Variants in CACNA2D3 observed in about 807,000 individuals in gnomAD.
The protein encoded by CACNA2D3 is voltage-dependent calcium channel subunit alpha-2/delta-3.
Under a neutral mutation model 160.6 loss-of-function variants are expected in CACNA2D3, and 60 were observed. That is an observed-to-expected ratio of 0.37 (90% CI 0.30 to 0.46). CACNA2D3 has a LOEUF of 0.46. Among genes scored for constraint, CACNA2D3 ranks in the 20% least tolerant of loss-of-function variants. The probability of loss-of-function intolerance (pLI) is 1.00; values close to 1 mark genes in which losing one functional copy is unlikely to be tolerated. For missense variants in CACNA2D3, 1,205 were observed against 1,365.0 expected (o/e 0.88, Z 1.85); for synonymous variants, 558 against 492.9 (o/e 1.13, Z -1.75).
intron 14 of CACNA2D3, among the ~76,000 whole-genome samples, chr3:54,825,891 G>C (rs1286818342): frequency 6.6e-6 from 1 of 151,832 alleles, no homozygotes; most frequent in Non-Finnish European, 1.5e-5. Flanking sequence ...TCATAGGAAG[G>C]GATTTCCTGT....
rs111730342 is a variant in CACNA2D3, at chr3:54,680,159, T to TAA, written c.1167+37929_1167+37930dup. Among the ~76,000 whole-genome samples, 142 of 144,354 alleles carry TAA rather than the reference T, an allele frequency of 9.8e-4. 1 individual carries two copies. The highest frequency in any genetic ancestry group is 3.2e-3 in the African/African-American group (127 of 39,564). The allele number at this position is 144,354 out of a possible 152,430, so 94.7% of individuals were successfully genotyped here. A position where few individuals can be genotyped will look rare whatever the true frequency, so the allele number is the denominator to read the frequency against. On this transcript the variant is annotated intron_variant, in intron 11 of 37. Coordinates refer to ENST00000474759, the MANE Select transcript of CACNA2D3 (RefSeq NM_018398.3). ...ATAGCCTCCAGATTCATTGAGAAGCTAAAAAAAAAAAATGGTTTGCTAGGG... is the reference window on the plus strand; with the variant it reads ...ATAGCCTCCAGATTCATTGAGAAGCTAAAAAAAAAAAAAATGGTTTGCTAGGG...
chr3:54,373,293 A>C (rs913437770), intron 3 of CACNA2D3, among the ~76,000 whole-genome samples: 3 of 152,198 alleles, frequency 2.0e-5, no homozygotes, highest in African/African-American at 7.2e-5. Context: ...ATATAAGTGC[A>C]TGTGGTTGAC....
At chr3:54,733,746 G>C (rs1271166536) in intron 11 of CACNA2D3, among the ~76,000 whole-genome samples, 1 of 152,160 alleles carries the variant, frequency 6.6e-6, no homozygotes, top group African/African-American at 2.4e-5. Context: ...TTTAATCAAA[G>C]ATAAACTTAA....
chr3:55,043,664 C>G (rs1404188834), intron 35 of CACNA2D3, among the ~76,000 whole-genome samples: 1 of 152,074 alleles, frequency 6.6e-6, no homozygotes, highest in Non-Finnish European at 1.5e-5. Flanking sequence ...CATTGATTGA[C>G]TTTTTAATGG....
At chr3:55,056,697 C>T (rs1704369340) in intron 35 of CACNA2D3, among the ~76,000 whole-genome samples, 1 of 152,066 alleles carries the variant, frequency 6.6e-6, no homozygotes, top group African/African-American at 2.4e-5. Context: ...ATGAAATAAG[C>T]CAGACACAGA....
intron 2 of CACNA2D3, among the ~76,000 whole-genome samples, chr3:54,161,453 G>T (rs1263470448): frequency 3.9e-5 from 6 of 152,236 alleles, no homozygotes; most frequent in African/African-American, 1.4e-4. Context: ...GCACCTACCA[G>T]GGAGGATCCC....
At chr3:54,613,875 C>T (rs1289056097) in intron 9 of CACNA2D3, among the ~76,000 whole-genome samples, 1 of 152,176 alleles carries the variant, frequency 6.6e-6, no homozygotes, top group African/African-American at 2.4e-5. Flanking sequence ...AGCAGCCCTG[C>T]CTTTACCTCC....
At chr3:54,436,070 A>T (rs181754820) in intron 4 of CACNA2D3, among the ~76,000 whole-genome samples, 1 of 152,330 alleles carries the variant, frequency 6.6e-6, no homozygotes, top group East Asian at 1.9e-4. Flanking sequence ...AGAGACCTAA[A>T]GGATCTTTGG....
intron 3 of CACNA2D3, among the ~76,000 whole-genome samples, chr3:54,360,638 C>T (rs187244251): frequency 6.0e-4 from 92 of 152,324 alleles, no homozygotes; most frequent in Middle Eastern, 6.8e-3. Flanking sequence ...TAGTTCTTGG[C>T]TCCTCTGTGC....
chr3:54,972,247 G>T (rs986790405), intron 29 of CACNA2D3, among the ~76,000 whole-genome samples: 1 of 152,146 alleles, frequency 6.6e-6, no homozygotes, highest in African/African-American at 2.4e-5. Context: ...CCTTGAAGTT[G>T]CCCTGATTTC....
intron 3 of CACNA2D3, among the ~76,000 whole-genome samples, chr3:54,342,303 C>T (rs1287977678): frequency 5.9e-5 from 9 of 152,102 alleles, no homozygotes; most frequent in Non-Finnish European, 1.0e-4. Context: ...ATGAGTAAGG[C>T]AGCTTCAGGA....
At position 54,808,488 on chromosome 3, in the gene CACNA2D3, G is replaced by A. The variant is rs557472122; in HGVS notation, c.1381-8365G>A. On this transcript the variant is annotated intron_variant, in intron 13 of 37. Transcript: ENST00000474759. ...AGCAGGGGAAAAGTGGGAGAGGGGT[G>A]TAAATGAAAAGTCTCGATTAGACTA... 1.4e-4 allele frequency among the ~76,000 whole-genome samples: 22 copies of A among 152,218 alleles called. 1 individual carries two copies. Among genetic ancestry groups the A allele is most frequent in the South Asian group, 1.0e-3 (5 of 4,814 alleles).
chr3:54,842,994 T>C (rs1000963278), intron 16 of CACNA2D3, among the ~76,000 whole-genome samples: 5 of 150,964 alleles, frequency 3.3e-5, no homozygotes, highest in African/African-American at 1.2e-4. Flanking sequence ...TTTTTTTTTT[T>C]TTTCTTTGAG....
chr3:54,970,273 C>G lies in CACNA2D3; in HGVS notation c.2556+429C>G, dbSNP rs145077167. On this transcript the variant is annotated intron_variant, in intron 29 of 37. Coordinates refer to ENST00000474759, the MANE Select transcript of CACNA2D3 (RefSeq NM_018398.3). ...TGAGCATCAGAGAAATTAAGTGATT[C>G]AGCTAATTTCATGTAATAAGCAAAC... Among the ~76,000 whole-genome samples the G allele has an allele frequency of 6.9e-3, 1,056 of 152,244 alleles. 12 individuals carry two copies. Among genetic ancestry groups the G allele is most frequent in the Non-Finnish European group, 9.0e-3 (614 of 68,012 alleles).
intron 13 of CACNA2D3, chr3:54,789,987 TA>T (rs1487273201): frequency 1.0e-5 from 4 of 397,094 alleles, no homozygotes; most frequent in Admixed American, 5.9e-5. Flanking sequence ...AAGAGTCAAA[TA>T]AACATCTTGT....
rs1170753293 is a variant in CACNA2D3 at position 54,763,870 on chromosome 3, C to T, written c.1247-348C>T. On this transcript the variant is annotated intron_variant, in intron 12 of 37. Coordinates refer to ENST00000474759, the MANE Select transcript of CACNA2D3 (RefSeq NM_018398.3). Reference sequence around the variant, plus strand: ...GTACATATATATACATATATATATACGTATATATATGTATATATATGTATG... The same window carrying T: ...GTACATATATATACATATATATATATGTATATATATGTATATATATGTATG... Among the ~76,000 whole-genome samples, 152 of 59,498 alleles carry T rather than the reference C, an allele frequency of 2.6e-3. 28 individuals are homozygous for T. Among genetic ancestry groups the T allele is most frequent in the African/African-American group, 9.2e-3 (148 of 16,040 alleles). 39.0% of individuals were successfully genotyped at this position (59,498 alleles called of 152,430 possible).
At chr3:54,411,281 C>G (rs1415831733) in intron 4 of CACNA2D3, among the ~76,000 whole-genome samples, 1 of 152,166 alleles carries the variant, frequency 6.6e-6, no homozygotes, top group East Asian at 1.9e-4. Flanking sequence ...AGGATTGACT[C>G]CAGTTTTCGA....
chr3:55,051,942 C>G (rs540744593), intron 35 of CACNA2D3, among the ~76,000 whole-genome samples: 5 of 152,312 alleles, frequency 3.3e-5, no homozygotes, highest in African/African-American at 1.2e-4. Context: ...CCAAGTGAGG[C>G]AATGCCTCGC....
intron 4 of CACNA2D3, among the ~76,000 whole-genome samples, chr3:54,463,643 CTA>C (rs765501305): frequency 4.6e-5 from 7 of 152,156 alleles, no homozygotes; most frequent in Non-Finnish European, 1.0e-4. Context: ...AAGCACTTCT[CTA>C]TTGGTTATTC....
Sources: allele counts gnomAD v4.1 joint callset (sites outside exome capture counted in the v4.1 genomes callset), GRCh38; gene constraint gnomAD v4.1.1; transcripts MANE v1.5; gene names NCBI Gene and HGNC (gene_info 2026-07-23, HGNC 2026-07-21).